The following KCTD8 variants were observed in gnomAD, a reference collection of about 807,000 sequenced individuals.
KCTD8 encodes the protein potassium channel tetramerization domain containing 8.
Under a neutral mutation model 31.5 loss-of-function variants are expected in KCTD8, and 27 were observed. The observed-to-expected ratio is 0.86, with a 90% CI of 0.63 to 1.18. The LOEUF is 1.18. KCTD8 is among the 50% of genes most tolerant of loss of function. The pLI is 0.00. For missense variants in KCTD8, 658 were observed against 647.7 expected (o/e 1.02, Z -0.17); for synonymous variants, 290 against 280.0 (o/e 1.04, Z -0.36).
At position 44,447,946 on chromosome 4, in the gene KCTD8, T is replaced by G; in HGVS notation, c.578A>C (p.His193Pro). 6.7e-7 allele frequency: 1 copy of G among 1,495,000 alleles called. No homozygotes were observed. The highest frequency in any genetic ancestry group is 8.9e-7 in the Non-Finnish European group (1 of 1,121,632). 92.6% of individuals were successfully genotyped at this position (1,495,000 alleles called of 1,614,324 possible). A position where few individuals can be genotyped will look rare whatever the true frequency, so the allele number is the denominator to read the frequency against. Residue 193 changes from histidine (H) to proline (P), a missense_variant, in exon 1 of 2, where the codon CAC (histidine) becomes CCC (proline). Coordinates refer to ENST00000360029, the MANE Select transcript of KCTD8 (RefSeq NM_198353.3). ...AAAVPSGPGA[H>P]GGGGGGGAQD... is the part of the protein sequence containing the mutation. ...CGCGCCGCCGCCGCCGCCACCACCG[T>G]GCGCTCCCGGGCCCGAGGGCACGGC... is the stretch of plus-strand genomic sequence containing the variant.
intron 1 of KCTD8, among the ~76,000 whole-genome samples, chr4:44,234,842 T>C (rs536454865): frequency 7.2e-5 from 11 of 152,306 alleles, no homozygotes; most frequent in Admixed American, 6.5e-4. Context: ...TTATCACTTT[T>C]AAACAGGAAA....
chr4:44,270,093 T>C (rs1172771020), intron 1 of KCTD8, among the ~76,000 whole-genome samples: 2 of 152,072 alleles, frequency 1.3e-5, no homozygotes, highest in Non-Finnish European at 2.9e-5. Flanking sequence ...CATGCACACA[T>C]ATGTTTATTG....
chr4:44,365,256 T>C (rs936780432), intron 1 of KCTD8, among the ~76,000 whole-genome samples: 2 of 152,092 alleles, frequency 1.3e-5, no homozygotes, highest in Admixed American at 1.3e-4. Flanking sequence ...ATTAATACTT[T>C]TCAATAAAAA....
At chr4:44,301,834 G>A (rs899895860) in intron 1 of KCTD8, among the ~76,000 whole-genome samples, 1 of 152,098 alleles carries the variant, frequency 6.6e-6, no homozygotes, top group Non-Finnish European at 1.5e-5. Flanking sequence ...TTTCTTCTAG[G>A]GTTTCTATGG....
At chr4:44,286,518 G>A (rs1349327316) in intron 1 of KCTD8, among the ~76,000 whole-genome samples, 2 of 151,996 alleles carry the variant, frequency 1.3e-5, no homozygotes, top group Non-Finnish European at 2.9e-5. Context: ...CCACCACCTT[G>A]TTTCTCACTT....
chr4:44,175,380 G>T, intron 1 of KCTD8, 130 bp from the exon 2 acceptor site: 1 of 577,880 alleles, frequency 1.7e-6, no homozygotes, highest in South Asian at 3.0e-5. Context: ...GGTGCATATT[G>T]TACTAGTCTA....
intron 1 of KCTD8, among the ~76,000 whole-genome samples, chr4:44,389,572 G>T (rs995199396): frequency 9.9e-5 from 15 of 151,758 alleles, no homozygotes; most frequent in Non-Finnish European, 2.2e-4. Flanking sequence ...AATGGTGGTT[G>T]CCAGGAGCTG....
intron 1 of KCTD8, among the ~76,000 whole-genome samples, chr4:44,320,575 G>A (rs1718268762): frequency 6.6e-6 from 1 of 152,126 alleles, no homozygotes; most frequent in Non-Finnish European, 1.5e-5. Context: ...GAGAATCACT[G>A]AGTAATAGAC....
At chr4:44,269,600 G>C (rs1716512730) in intron 1 of KCTD8, among the ~76,000 whole-genome samples, 1 of 151,998 alleles carries the variant, frequency 6.6e-6, no homozygotes, top group South Asian at 2.1e-4. Context: ...AGAGTGAACA[G>C]GTAACCTACA....
At chr4:44,398,420 T>A (rs934144965) in intron 1 of KCTD8, among the ~76,000 whole-genome samples, 1 of 152,150 alleles carries the variant, frequency 6.6e-6, no homozygotes, top group Non-Finnish European at 1.5e-5. Context: ...TAAACACCAA[T>A]GATGATGTAT....
intron 1 of KCTD8, among the ~76,000 whole-genome samples, chr4:44,385,301 C>T (rs2109445790): frequency 6.6e-6 from 1 of 151,600 alleles, no homozygotes; most frequent in South Asian, 2.1e-4. Flanking sequence ...ACTTCAAAAC[C>T]TATTACAGAT....
At chr4:44,247,003 T>C (rs1415720970) in intron 1 of KCTD8, among the ~76,000 whole-genome samples, 1 of 152,054 alleles carries the variant, frequency 6.6e-6, no homozygotes, top group Non-Finnish European at 1.5e-5. Flanking sequence ...CAACTCCCAT[T>C]ATTTGTAGTA....
In KCTD8 at chr4:44,265,234, C is replaced by G. The variant is rs184412266; in HGVS notation, c.962-89984G>C. ...ATCAGACAGCAGCATTCACGGTTCA[C>G]GAAAATCCGCTGTTCTGCAGACACC... On this transcript the variant is annotated intron_variant, in intron 1 of 1. Coordinates refer to ENST00000360029, the MANE Select transcript of KCTD8 (RefSeq NM_198353.3). 1.2e-4 allele frequency among the ~76,000 whole-genome samples: 19 copies of G among 152,188 alleles called. No homozygotes were observed. The East Asian group carries it at 3.5e-3, about 28-fold the overall frequency.
In KCTD8 at chr4:44,378,823, T is replaced by C. The variant is rs534618470; in HGVS notation, c.961+68740A>G. On this transcript the variant is annotated intron_variant, in intron 1 of 1. Coordinates refer to ENST00000360029, the MANE Select transcript of KCTD8 (RefSeq NM_198353.3). ...GTATCTTGAAACCATAGAAATGTATTATTGTATAGTTCTGGAGGTCAGAAG... is the reference window on the plus strand; with the variant it reads ...GTATCTTGAAACCATAGAAATGTATCATTGTATAGTTCTGGAGGTCAGAAG... 3.0e-4 allele frequency among the ~76,000 whole-genome samples: 46 copies of C among 152,280 alleles called. No homozygotes were observed. The South Asian group carries it at 3.5e-3, about 12-fold the overall frequency.
At chr4:44,218,045 C>A (rs902095941) in intron 1 of KCTD8, among the ~76,000 whole-genome samples, 2 of 151,658 alleles carry the variant, frequency 1.3e-5, no homozygotes, top group African/African-American at 4.9e-5. Flanking sequence ...CTGCAGGACC[C>A]TGACTAACAA....
rs78344941 is a variant in KCTD8 at position 44,418,459 on chromosome 4, G to A, written c.961+29104C>T. Among the ~76,000 whole-genome samples the A allele has an allele frequency of 6.7e-3, 1,018 of 152,102 alleles. 14 individuals are homozygous for A. The highest frequency in any genetic ancestry group is 0.023 in the African/African-American group (974 of 41,528). On this transcript the variant is annotated intron_variant, in intron 1 of 1. Transcript: ENST00000360029. ...CTAACCAATTATAACTTATCACAGAGGTTTTTATAGTCTTTTGTTTTGTAT... is the reference window on the plus strand; with the variant it reads ...CTAACCAATTATAACTTATCACAGAAGTTTTTATAGTCTTTTGTTTTGTAT...
At position 44,186,248 on chromosome 4, in the gene KCTD8, C is replaced by T. The variant is rs112301414; in HGVS notation, c.962-10998G>A. 1.4e-3 allele frequency among the ~76,000 whole-genome samples: 220 copies of T among 152,264 alleles called. 1 individual carries two copies. Among genetic ancestry groups the T allele is most frequent in the Middle Eastern group, 0.014 (4 of 294 alleles). On this transcript the variant is annotated intron_variant, in intron 1 of 1. Coordinates refer to ENST00000360029, the MANE Select transcript of KCTD8 (RefSeq NM_198353.3). The stretch of plus-strand genomic sequence containing the variant: ...GCCATCAACTGGGGGAGCGATGTGG[C>T]GGCGGCTGAGGGGAATTTGGTGGAA...
chr4:44,322,016 G>A (rs529251624), intron 1 of KCTD8, among the ~76,000 whole-genome samples: 3 of 152,064 alleles, frequency 2.0e-5, no homozygotes, highest in Admixed American at 1.3e-4. Flanking sequence ...GGACACTTAG[G>A]TTGATTCTGT....
intron 1 of KCTD8, among the ~76,000 whole-genome samples, chr4:44,341,205 T>C (rs140323267): frequency 6.6e-6 from 1 of 152,338 alleles, no homozygotes; most frequent in East Asian, 1.9e-4. Flanking sequence ...AAAAATATTT[T>C]ACTGCTAAAA....
Sources: allele counts gnomAD v4.1 joint callset (sites outside exome capture counted in the v4.1 genomes callset), GRCh38; gene constraint gnomAD v4.1.1; transcripts MANE v1.5; gene names NCBI Gene and HGNC (gene_info 2026-07-23, HGNC 2026-07-21).